REDIC1: variants seen among roughly 807,000 people sequenced by gnomAD.
REDIC1 encodes the protein HEI10 Interacting Protein 1.
At chr12:39,711,504 TA>T in the REDIC1 span, among the ~76,000 whole-genome samples, 1 of 142,328 alleles carries the variant, frequency 7.0e-6, no homozygotes, top group East Asian at 2.1e-4. Flanking sequence ...TAAGTATGTA[TA>T]TATGTGTATA....
At chr12:39,825,640 T>A in the REDIC1 span, among the ~76,000 whole-genome samples, 2 of 152,192 alleles carry the variant, frequency 1.3e-5, no homozygotes, top group African/African-American at 4.8e-5. Context: ...CTCTTATGAA[T>A]TTAAAAATCT....
chr12:39,626,389 G>C, the REDIC1 span: 13 of 1,613,754 alleles, frequency 8.1e-6, no homozygotes, highest in Non-Finnish European at 1.1e-5. Flanking sequence ...TTTGAGGCTG[G>C]GACATTCATT....
chr12:39,904,841 A>G, the REDIC1 span, among the ~76,000 whole-genome samples: 1 of 152,100 alleles, frequency 6.6e-6, no homozygotes, highest in South Asian at 2.1e-4. Context: ...CCCAAGATGG[A>G]AATGTGCCCT....
the REDIC1 span, among the ~76,000 whole-genome samples, chr12:39,770,846 A>T: frequency 6.6e-6 from 1 of 152,168 alleles, no homozygotes; most frequent in African/African-American, 2.4e-5. Flanking sequence ...CAAGTAAAGA[A>T]AAGTGGCCAA....
At chr12:39,725,444 A>G in the REDIC1 span, among the ~76,000 whole-genome samples, 1 of 152,106 alleles carries the variant, frequency 6.6e-6, no homozygotes, top group African/African-American at 2.4e-5. Context: ...CATATGCTCA[A>G]CTATTTTCCT....
the REDIC1 span, among the ~76,000 whole-genome samples, chr12:39,824,738 T>G: frequency 5.6e-4 from 85 of 152,212 alleles, 1 homozygote; most frequent in African/African-American, 2.0e-3. Flanking sequence ...TCTCTCATAG[T>G]ATGCTACATC....
At chr12:39,766,972 A>C in the REDIC1 span, among the ~76,000 whole-genome samples, 1 of 152,210 alleles carries the variant, frequency 6.6e-6, no homozygotes, top group Admixed American at 6.5e-5. Context: ...CTTCTTGCAA[A>C]CTTCCAAACT....
chr12:39,759,241 A>G, the REDIC1 span: 1 of 152,346 alleles, frequency 6.6e-6, no homozygotes. Context: ...TGGAACCCAT[A>G]AAAACCTTTA....
chr12:39,735,142 C>G, the REDIC1 span, among the ~76,000 whole-genome samples: 1 of 152,062 alleles, frequency 6.6e-6, no homozygotes, highest in Non-Finnish European at 1.5e-5. Flanking sequence ...TGATGTGCTA[C>G]CATATCAAAA....
the REDIC1 span, among the ~76,000 whole-genome samples, chr12:39,844,336 T>G: frequency 6.6e-6 from 1 of 152,040 alleles, no homozygotes. Flanking sequence ...GAGTCAAAGT[T>G]TAATGTAAGC....
the REDIC1 span, among the ~76,000 whole-genome samples, chr12:39,885,401 T>C: frequency 7.2e-5 from 11 of 152,074 alleles, no homozygotes; most frequent in Non-Finnish European, 1.5e-4. Flanking sequence ...TCATCTAACA[T>C]GTAAGAAGTA....
chr12:39,818,192 A>G, the REDIC1 span, among the ~76,000 whole-genome samples: 2 of 152,248 alleles, frequency 1.3e-5, no homozygotes, highest in South Asian at 4.1e-4. Context: ...ATACCCACAG[A>G]GTTCCTAAAA....
At chr12:39,798,330 G>A in the REDIC1 span, among the ~76,000 whole-genome samples, 46 of 152,292 alleles carry the variant, frequency 3.0e-4, 1 homozygote, top group Admixed American at 1.6e-3. Flanking sequence ...AACTGAGTGA[G>A]ACATAAATGT....
At chr12:39,868,173 G>T in the REDIC1 span, among the ~76,000 whole-genome samples, 10 of 152,122 alleles carry the variant, frequency 6.6e-5, no homozygotes, top group African/African-American at 1.7e-4. Flanking sequence ...TTGGATGAAA[G>T]AATTTTATCT....
chr12:39,773,473 C>T, the REDIC1 span, among the ~76,000 whole-genome samples: 8 of 152,202 alleles, frequency 5.3e-5, no homozygotes, highest in Admixed American at 2.6e-4. Flanking sequence ...CCCCTGCCCA[C>T]TCAACACCCA....
At chr12:39,852,810 A>G in the REDIC1 span, among the ~76,000 whole-genome samples, 1 of 152,180 alleles carries the variant, frequency 6.6e-6, no homozygotes, top group African/African-American at 2.4e-5. Context: ...CCTCGTCTTC[A>G]TTTGCATAGC....
At chr12:39,820,433 C>T in the REDIC1 span, among the ~76,000 whole-genome samples, 1 of 152,104 alleles carries the variant, frequency 6.6e-6, no homozygotes, top group Non-Finnish European at 1.5e-5. Flanking sequence ...AATGCTAAAA[C>T]ATGGATTGCT....
chr12:39,699,571 G>A, the REDIC1 span, among the ~76,000 whole-genome samples: 1 of 152,346 alleles, frequency 6.6e-6, no homozygotes, highest in South Asian at 2.1e-4. Flanking sequence ...CAAAGCAACT[G>A]GGAAGCTCGA....
At chr12:39,825,083 T>G in the REDIC1 span, among the ~76,000 whole-genome samples, 1 of 152,160 alleles carries the variant, frequency 6.6e-6, no homozygotes, top group African/African-American at 2.4e-5. Context: ...CGGTAAACAA[T>G]GAATTGCCAA....
Sources: allele counts gnomAD v4.1 joint callset (sites outside exome capture counted in the v4.1 genomes callset), GRCh38; gene constraint gnomAD v4.1.1; transcripts MANE v1.5; gene names NCBI Gene and HGNC (gene_info 2026-07-23, HGNC 2026-07-21).